The following SLC41A2 variants were observed in gnomAD, a reference collection of about 807,000 sequenced individuals.
SLC41A2 encodes SLC41A1-like 1.
Under a neutral mutation model 58.3 loss-of-function variants are expected in SLC41A2, and 32 were observed. The observed-to-expected ratio is 0.55, with a 90% confidence interval of 0.41 to 0.74. The LOEUF (loss-of-function observed/expected upper bound fraction) is 0.74, where lower values mean the gene tolerates loss of function less well. Ranked by LOEUF, SLC41A2 falls within the 30% of genes least tolerant of loss-of-function variation. The pLI, the probability that SLC41A2 is intolerant of heterozygous loss-of-function variation, is 0.00. For synonymous variants in SLC41A2, 190 were observed against 235.0 expected (o/e 0.81, Z 1.75); for missense variants, 514 against 680.6 (o/e 0.76, Z 2.72).
chr12:104,937,232 T>C (rs2047318650), intron 1 of SLC41A2, among the ~76,000 whole-genome samples: 1 of 152,240 alleles, frequency 6.6e-6, no homozygotes, highest in Non-Finnish European at 1.5e-5. Flanking sequence ...AAGTCTGCAG[T>C]AGTGCACAGT....
Position 104,853,911 on chromosome 12 carries a change from A to ATTATTATTATTT in SLC41A2, c.1255+7379_1255+7380insAAATAATAATAA. On this transcript the variant is annotated intron_variant, in intron 8 of 10. Coordinates refer to ENST00000258538, the MANE Select transcript of SLC41A2 (RefSeq NM_001352171.3). Reference sequence around the variant, plus strand: ...GGGTGCATGTCACCATGCCTGGCTGATTTTTTTTTTTTTTTTTTTTTTTTT... The same window carrying ATTATTATTATTT: ...GGGTGCATGTCACCATGCCTGGCTGATTATTATTATTTTTTTTTTTTTTTTTTTTTTTTTTTT... Among the ~76,000 whole-genome samples, 87 of 59,486 alleles carry ATTATTATTATTT rather than the reference A, an allele frequency of 1.5e-3. 1 individual carries two copies. The highest frequency in any genetic ancestry group is 2.2e-3 in the Non-Finnish European group (69 of 31,480). The allele number at this position is 59,486 out of a possible 152,430, so 39.0% of individuals were successfully genotyped here. A position where few individuals can be genotyped will look rare whatever the true frequency, so the allele number is the denominator to read the frequency against.
chr12:104,919,656 T>C (rs939972728), intron 2 of SLC41A2, among the ~76,000 whole-genome samples: 1 of 152,246 alleles, frequency 6.6e-6, no homozygotes, highest in African/African-American at 2.4e-5. Flanking sequence ...TTCAGTGAAC[T>C]GCTCTGGGTC....
At chr12:104,847,296 C>G (rs1380535308) in intron 8 of SLC41A2, among the ~76,000 whole-genome samples, 1 of 151,750 alleles carries the variant, frequency 6.6e-6, no homozygotes, top group Non-Finnish European at 1.5e-5. Context: ...AGACGAACAT[C>G]GAATAAAGTT....
At chr12:104,878,299 T>TATA (rs2044157733) in intron 6 of SLC41A2, among the ~76,000 whole-genome samples, 4 of 139,920 alleles carry the variant, frequency 2.9e-5, no homozygotes, top group East Asian at 2.3e-4. Flanking sequence ...TACCTGTATT[T>TATA]TATATATATA....
At chr12:104,895,125 T>A in intron 4 of SLC41A2, 149 bp downstream of exon 4, 1 of 535,390 alleles carries the variant, frequency 1.9e-6, no homozygotes, top group Non-Finnish European at 3.3e-6. Context: ...ATTTATTCCA[T>A]CACTTTTTCA....
chr12:104,892,308 A>AAC lies in SLC41A2; in HGVS notation c.735+2965_735+2966insGT, dbSNP rs1159417492. On this transcript the variant is annotated intron_variant, in intron 4 of 10. Transcript: ENST00000258538. The stretch of plus-strand genomic sequence containing the variant: ...AAGACCTCATCTCAAAAAAAAAATA[A>AAC]AATAAAATAAAATAAAATAAAATAA... Among the ~76,000 whole-genome samples the AAC allele has an allele frequency of 4.7e-3, 566 of 121,242 alleles. 18 individuals carry two copies. Among genetic ancestry groups the AAC allele is most frequent in the African/African-American group, 0.022 (511 of 23,584 alleles). The allele number at this position is 121,242 out of a possible 152,430, so 79.5% of individuals were successfully genotyped here. A position where few individuals can be genotyped will look rare whatever the true frequency, so the allele number is the denominator to read the frequency against.
intron 10 of SLC41A2, among the ~76,000 whole-genome samples, chr12:104,825,560 G>A (rs1476004607): frequency 6.6e-6 from 1 of 152,074 alleles, no homozygotes; most frequent in Non-Finnish European, 1.5e-5. Context: ...ATGTGAGAGG[G>A]CTCCCCCTCC....
At chr12:104,904,133 C>A (rs1055014944) in intron 3 of SLC41A2, among the ~76,000 whole-genome samples, 1 of 152,164 alleles carries the variant, frequency 6.6e-6, no homozygotes, top group Admixed American at 6.5e-5. Flanking sequence ...TCAAAACAGA[C>A]TGGTGTTTTA....
At chr12:104,943,390 A>G (rs955722537) in intron 1 of SLC41A2, among the ~76,000 whole-genome samples, 1 of 151,962 alleles carries the variant, frequency 6.6e-6, no homozygotes, top group Non-Finnish European at 1.5e-5. Flanking sequence ...CCTTCTTAGG[A>G]CCTCTAGCAG....
chr12:104,922,850 A>C (rs1489811872), intron 2 of SLC41A2, among the ~76,000 whole-genome samples: 2 of 152,220 alleles, frequency 1.3e-5, no homozygotes, highest in African/African-American at 4.8e-5. Flanking sequence ...CAATGGAATA[A>C]GACTAGAATC....
At chr12:104,869,976 G>A (rs1307030828) in intron 6 of SLC41A2, among the ~76,000 whole-genome samples, 5 of 152,104 alleles carry the variant, frequency 3.3e-5, no homozygotes, top group Non-Finnish European at 7.4e-5. Flanking sequence ...ATAATATTTT[G>A]TATTAAAATC....
At chr12:104,854,575 A>AC (rs200710675) in intron 8 of SLC41A2, among the ~76,000 whole-genome samples, 1,983 of 148,600 alleles carry the variant, frequency 0.013, 41 homozygotes, top group African/African-American at 0.045. Flanking sequence ...AAAAACAAAA[A>AC]AAAAAAAACA....
In SLC41A2 at chr12:104,802,413, A is replaced by ATAATT. The variant is rs1463620451; in HGVS notation, c.*2734_*2738dup. 6.6e-6 allele frequency: 1 copy of ATAATT among 152,222 alleles called. No homozygotes were observed. The highest frequency in any genetic ancestry group is 2.4e-5 in the African/African-American group (1 of 41,468). The allele number at this position is 152,222 out of a possible 1,614,324, so 9.4% of individuals were successfully genotyped here. A position where few individuals can be genotyped will look rare whatever the true frequency, so the allele number is the denominator to read the frequency against. On this transcript the variant is annotated 3_prime_UTR_variant, in exon 11 of 11. Coordinates refer to ENST00000258538, the MANE Select transcript of SLC41A2 (RefSeq NM_001352171.3). ...CGTGAAGGCTTTCAAAAGGTCAGTAATAATTTAAAGGAATCTACATCCCTT... is the reference window on the plus strand; with the variant it reads ...CGTGAAGGCTTTCAAAAGGTCAGTAATAATTTAATTTAAAGGAATCTACATCCCTT...
intron 7 of SLC41A2, among the ~76,000 whole-genome samples, chr12:104,863,350 G>A (rs1419980597): frequency 6.6e-6 from 1 of 152,132 alleles, no homozygotes; most frequent in African/African-American, 2.4e-5. Flanking sequence ...CAGGAGGGTT[G>A]TTTGAGCCTA....
Position 104,802,334 on chromosome 12 carries a change from T to C in SLC41A2, c.*2818A>G, listed in dbSNP as rs2040731421. On this transcript the variant is annotated 3_prime_UTR_variant, in exon 11 of 11. Coordinates refer to ENST00000258538, the MANE Select transcript of SLC41A2 (RefSeq NM_001352171.3). ...ACAGTGAATTCACATTACTTAAGAC[T>C]GATAATAGATTATTGTTGTGGGTAA... Among the ~76,000 whole-genome samples the C allele has an allele frequency of 6.6e-6, 1 of 152,232 alleles. No homozygotes were observed. The highest frequency in any genetic ancestry group is 6.5e-5 in the Admixed American group (1 of 15,272).
chr12:104,893,614 A>G (rs1387390997), intron 4 of SLC41A2, among the ~76,000 whole-genome samples: 1 of 152,260 alleles, frequency 6.6e-6, no homozygotes, highest in African/African-American at 2.4e-5. Context: ...CTAAGTGACC[A>G]TCAACAGATG....
At chr12:104,822,997 T>C (rs2041699131) in intron 10 of SLC41A2, among the ~76,000 whole-genome samples, 1 of 152,134 alleles carries the variant, frequency 6.6e-6, no homozygotes. Flanking sequence ...TCTAAAGTCA[T>C]TGCTTAGAGA....
At chr12:104,940,561 G>T (rs1386893178) in intron 1 of SLC41A2, among the ~76,000 whole-genome samples, 1 of 148,472 alleles carries the variant, frequency 6.7e-6, no homozygotes, top group African/African-American at 2.5e-5. Context: ...CCTCTAAAAT[G>T]GAATGAAAGT....
chr12:104,864,957 G>A (rs1471652400), intron 7 of SLC41A2, among the ~76,000 whole-genome samples: 1 of 151,800 alleles, frequency 6.6e-6, no homozygotes, highest in East Asian at 1.9e-4. Context: ...TTTATGAAAT[G>A]TCTAGCAATC....
Sources: gnomAD v4.1 joint callset for allele counts (sites outside exome capture counted in the v4.1 genomes callset) on GRCh38, gnomAD v4.1.1 for gene constraint, MANE v1.5 for transcripts, NCBI Gene and HGNC (gene_info 2026-07-23, HGNC 2026-07-21) for gene names.